TMEM165: variants seen among roughly 807,000 people sequenced by gnomAD.
TMEM165 encodes putative divalent cation/proton antiporter TMEM165.
In TMEM165, 19 loss-of-function variants were observed where a neutral mutation model predicts 30.0. The ratio of observed to expected loss-of-function variants is 0.63; its 90% CI spans 0.44 to 0.93. The LOEUF (loss-of-function observed/expected upper bound fraction) is 0.93. TMEM165 is among the 40% of genes least tolerant of loss of function. TMEM165 has a pLI of 0.00. For synonymous variants in TMEM165, 168 were observed against 162.9 expected, an observed-to-expected ratio of 1.03 and a Z score of -0.24; for missense variants, 340 against 417.0, an observed-to-expected ratio of 0.82 and a Z score of 1.61.
chr4:55,398,742 A>G (rs181755430), intron 1 of TMEM165, among the ~76,000 whole-genome samples: 3 of 152,182 alleles, frequency 2.0e-5, no homozygotes, highest in Non-Finnish European at 2.9e-5. Context: ...TGTCTATTCC[A>G]GAAGACCTTG....
chr4:55,430,252 A>G (rs1298320949), downstream of TMEM165: 1 of 152,166 alleles, frequency 6.6e-6, no homozygotes, highest in African/African-American at 2.4e-5. Flanking sequence ...TTGTCTCTCC[A>G]TAAACTATAT....
chr4:55,439,474 C>G (rs1723167616), intron 3 of TMEM165, among the ~76,000 whole-genome samples: 1 of 152,126 alleles, frequency 6.6e-6, no homozygotes, highest in African/African-American at 2.4e-5. Flanking sequence ...AAAAAATTCA[C>G]TATAGGATTA....
At chr4:55,429,754 A>G (rs537074827), downstream of TMEM165, 7 of 152,354 alleles carry the variant, frequency 4.6e-5, no homozygotes, top group South Asian at 1.2e-3. Flanking sequence ...CCCATAAAAC[A>G]AAGAAGGCAG....
intron 3 of TMEM165, among the ~76,000 whole-genome samples, chr4:55,448,601 C>CGCACGT (rs764071880): frequency 8.5e-6 from 1 of 116,980 alleles, no homozygotes; most frequent in African/African-American, 3.1e-5. Context: ...CGCACGCGCG[C>CGCACGT]GTGTGTGTGT....
intron 2 of TMEM165, among the ~76,000 whole-genome samples, chr4:55,415,011 AT>A (rs1317969572): frequency 6.6e-6 from 1 of 152,212 alleles, no homozygotes; most frequent in Non-Finnish European, 1.5e-5. Flanking sequence ...TGCAACTACT[AT>A]CTAATCTGTA....
intron 3 of TMEM165, chr4:55,450,087 T>G (rs1724283838): frequency 2.5e-6 from 4 of 1,614,118 alleles, no homozygotes; most frequent in Non-Finnish European, 3.4e-6. Context: ...GCAAGGGTAC[T>G]CACAGGAAGG....
rs542100700 is a variant in TMEM165, at chr4:55,447,296, A to C, written c.409-4943A>C. Among the ~76,000 whole-genome samples, 3 of 152,274 alleles carry C rather than the reference A, an allele frequency of 2.0e-5. No individual in the cohort carries two copies. The South Asian group carries it at 6.2e-4, about 32-fold the overall frequency. ...GCGGGATCGCCTGAGCTCAGGAAGC[A>C]GAGGTTGCAGTAAGCCGAGATTGCG... On this transcript the variant is annotated intron_variant, in intron 3 of 3. Coordinates refer to the TMEM165 transcript ENST00000608091.
chr4:55,438,203 C>T, intron 3 of TMEM165: 2 of 1,522,014 alleles, frequency 1.3e-6, no homozygotes, highest in Non-Finnish European at 1.8e-6. Context: ...ACATCACTCA[C>T]AAATCTGTTC....
At chr4:55,453,311 T>TA in exon 4 of TMEM165, 1 of 588,680 alleles carries the variant, frequency 1.7e-6, no homozygotes, top group Non-Finnish European at 3.0e-6. Context: ...CTAGGTATCT[T>TA]AAAGTTTCAT....
chr4:55,442,726 T>TCA, intron 3 of TMEM165: 1 of 1,121,550 alleles, frequency 8.9e-7, no homozygotes, highest in Non-Finnish European at 1.3e-6. Context: ...AATATGACAA[T>TCA]ATGACAGAGA....
At chr4:55,403,279 C>G (rs1173142643) in intron 1 of TMEM165, 2 of 1,287,198 alleles carry the variant, frequency 1.6e-6, no homozygotes, top group East Asian at 1.1e-4. Context: ...GATTTTGTTT[C>G]AAGGAAAGCA....
At chr4:55,435,616 C>T in intron 3 of TMEM165, 4 of 1,612,536 alleles carry the variant, frequency 2.5e-6, no homozygotes, top group Non-Finnish European at 3.4e-6. Flanking sequence ...ATGGATTATG[C>T]AGCATTGCTT....
chr4:55,418,441 T>C (rs1367887780), intron 4 of TMEM165, among the ~76,000 whole-genome samples: 1 of 152,014 alleles, frequency 6.6e-6, no homozygotes, highest in Non-Finnish European at 1.5e-5. Context: ...GGAGGATTGC[T>C]TGAGCCTGGG....
intron 4 of TMEM165, among the ~76,000 whole-genome samples, chr4:55,419,690 T>C (rs947041864): frequency 6.6e-6 from 1 of 152,152 alleles, no homozygotes; most frequent in Non-Finnish European, 1.5e-5. Flanking sequence ...CTATTTCTTA[T>C]CTGTGTTTAT....
chr4:55,440,291 C>T (rs914616709), intron 3 of TMEM165, among the ~76,000 whole-genome samples: 3 of 152,148 alleles, frequency 2.0e-5, no homozygotes, highest in Non-Finnish European at 4.4e-5. Context: ...GCATAGCGTC[C>T]TCTGTGCTAG....
Position 55,444,911 on chromosome 4 carries a change from C to T in TMEM165, c.409-7328C>T, listed in dbSNP as rs1005827795. On this transcript the variant is annotated intron_variant, in intron 3 of 3. Coordinates refer to the TMEM165 transcript ENST00000608091. ...TGATAACATCCTTCACTAGTTATGT[C>T]CCTTAGTTTCTAATCCACCCATCTT... The T allele has an allele frequency of 8.4e-6, 8 of 953,888 alleles. No homozygotes were observed. The African/African-American group carries it at 1.3e-4, about 16-fold the overall frequency. The allele number at this position is 953,888 out of a possible 1,614,324, so 59.1% of individuals were successfully genotyped here. A position where few individuals can be genotyped will look rare whatever the true frequency, so the allele number is the denominator to read the frequency against.
intron 3 of TMEM165, chr4:55,449,520 G>A (rs1387155116): frequency 6.5e-7 from 1 of 1,531,424 alleles, no homozygotes; most frequent in Non-Finnish European, 9.0e-7. Context: ...AATCAGAAGA[G>A]CATTAGTACT....
exon 4 of TMEM165, chr4:55,452,480 T>C (rs577183027): frequency 6.5e-6 from 1 of 152,886 alleles, no homozygotes; most frequent in African/African-American, 2.4e-5. Flanking sequence ...GAATCTGAAG[T>C]AGAGGGTCCA....
intron 1 of TMEM165, chr4:55,399,020 A>T (rs1720846764): frequency 6.6e-6 from 1 of 151,830 alleles, no homozygotes; most frequent in Admixed American, 6.6e-5. Flanking sequence ...CCATTATTGG[A>T]TTGGTGTTGG....
Sources: allele counts gnomAD v4.1 joint callset (sites outside exome capture counted in the v4.1 genomes callset), GRCh38; gene constraint gnomAD v4.1.1; transcripts MANE v1.5; gene names NCBI Gene and HGNC (gene_info 2026-07-23, HGNC 2026-07-21).